Variants in SND1 observed in about 807,000 individuals in gnomAD.
The protein encoded by SND1 is staphylococcal nuclease and tudor domain containing 1.
SND1 carries 38 observed loss-of-function variants against 121.7 expected under a neutral mutation model. The observed-to-expected ratio is 0.31, with a 90% CI of 0.24 to 0.41. The LOEUF is 0.41. Ranked by LOEUF, SND1 falls within the 10% of genes least tolerant of loss-of-function variation. The probability of loss-of-function intolerance (pLI) is 1.00; values close to 1 mark genes in which losing one functional copy is unlikely to be tolerated. For missense variants in SND1, 868 were observed against 1,184.6 expected (o/e 0.73, Z 3.92); for synonymous variants, 401 against 447.4 (o/e 0.90, Z 1.31).
chr7:127,823,065 A>G (rs1394667081), intron 11 of SND1, among the ~76,000 whole-genome samples: 1 of 152,254 alleles, frequency 6.6e-6, no homozygotes. Context: ...AGAGAGCAGT[A>G]CACAATATGA....
chr7:127,663,870 T>A (rs1039142659), intron 1 of SND1, among the ~76,000 whole-genome samples: 1 of 152,200 alleles, frequency 6.6e-6, no homozygotes, highest in Non-Finnish European at 1.5e-5. Context: ...GGCAAAATCA[T>A]GTGAGAGAAG....
intron 16 of SND1, among the ~76,000 whole-genome samples, chr7:128,018,135 C>T (rs1803266876): frequency 6.6e-6 from 1 of 152,230 alleles, no homozygotes; most frequent in Non-Finnish European, 1.5e-5. Flanking sequence ...GCTCAGGGCA[C>T]CGCCTTATGG....
At chr7:128,088,625 G>A (rs1793725860) in intron 21 of SND1, among the ~76,000 whole-genome samples, 1 of 151,830 alleles carries the variant, frequency 6.6e-6, no homozygotes, top group Non-Finnish European at 1.5e-5. Context: ...GCTAATTTTT[G>A]TATTTTCAGT....
chr7:127,733,019 C>T (rs1186815575), intron 10 of SND1, among the ~76,000 whole-genome samples: 1 of 152,168 alleles, frequency 6.6e-6, no homozygotes, highest in Non-Finnish European at 1.5e-5. Context: ...AGGCTTTAGA[C>T]AGCTGTGGTT....
At chr7:127,848,063 T>C (rs1381794469) in intron 12 of SND1, among the ~76,000 whole-genome samples, 2 of 152,234 alleles carry the variant, frequency 1.3e-5, no homozygotes, top group Non-Finnish European at 2.9e-5. Context: ...TGTCCTGGCC[T>C]TCTTGTTTCC....
At chr7:127,736,471 A>G (rs1796778092) in intron 10 of SND1, among the ~76,000 whole-genome samples, 1 of 152,122 alleles carries the variant, frequency 6.6e-6, no homozygotes, top group Non-Finnish European at 1.5e-5. Flanking sequence ...CTATTTTTGG[A>G]TATATCAGTT....
intron 10 of SND1, among the ~76,000 whole-genome samples, chr7:127,798,438 C>A (rs1391658096): frequency 2.6e-5 from 4 of 152,332 alleles, no homozygotes; most frequent in Middle Eastern, 3.4e-3. Context: ...TCAGATCCCA[C>A]ACCCAGGCTT....
intron 1 of SND1, among the ~76,000 whole-genome samples, chr7:127,660,377 T>C (rs548147176): frequency 1.3e-5 from 2 of 152,320 alleles, no homozygotes; most frequent in Admixed American, 6.5e-5. Flanking sequence ...TGCCCTGCTC[T>C]TGACTGGGAG....
chr7:127,714,663 C>G (rs1796356009), intron 9 of SND1, among the ~76,000 whole-genome samples: 1 of 152,212 alleles, frequency 6.6e-6, no homozygotes, highest in Non-Finnish European at 1.5e-5. Flanking sequence ...TTCCCCTCTT[C>G]CAGGCCCTGG....
intron 10 of SND1, among the ~76,000 whole-genome samples, chr7:127,742,163 A>G (rs1057394157): frequency 8.5e-5 from 13 of 152,222 alleles, no homozygotes; most frequent in Non-Finnish European, 1.5e-4. Context: ...TGTTAGCATT[A>G]GTGTGAAAGT....
Position 128,029,250 on chromosome 7 carries a change from A to G in SND1, c.1779+38194A>G. 6.2e-7 allele frequency: 1 copy of G among 1,614,006 alleles called. No individual in the cohort carries two copies. Among genetic ancestry groups the G allele is most frequent in the Non-Finnish European group, 8.5e-7 (1 of 1,180,026 alleles). ...CTTTCGCGTTGTGTCCTCAGGCGAG[A>G]TCTCCGTGGTCTCCACTGTTACTGT... On this transcript the variant is annotated intron_variant, in intron 16 of 23. Coordinates refer to ENST00000354725, the MANE Select transcript of SND1 (RefSeq NM_014390.4). The surrounding 1 kb of genome is among the most constrained non-coding windows in gnomAD (Gnocchi z 4.2).
intron 16 of SND1, among the ~76,000 whole-genome samples, chr7:128,016,644 G>A (rs1046949493): frequency 2.0e-5 from 3 of 152,194 alleles, no homozygotes; most frequent in Admixed American, 1.3e-4. Flanking sequence ...TTACCAAAGC[G>A]TAGAGTACCT....
At chr7:127,672,907 C>T (rs1795548315) in intron 1 of SND1, among the ~76,000 whole-genome samples, 1 of 152,012 alleles carries the variant, frequency 6.6e-6, no homozygotes, top group African/African-American at 2.4e-5. Context: ...GCTAAGTTCT[C>T]CTCAGTGCAC....
At chr7:127,962,604 C>T (rs754045221) in intron 15 of SND1, among the ~76,000 whole-genome samples, 12 of 152,182 alleles carry the variant, frequency 7.9e-5, no homozygotes, top group Non-Finnish European at 1.5e-4. Context: ...TTCTGGCTAG[C>T]ATATAAATCT....
chr7:127,881,994 T>G (rs1799801331), intron 12 of SND1, among the ~76,000 whole-genome samples: 1 of 152,152 alleles, frequency 6.6e-6, no homozygotes, highest in South Asian at 2.1e-4. Context: ...GGCTCATGCC[T>G]GTAATCTCAG....
At chr7:127,704,763 T>C in intron 7 of SND1, 76 bp from the exon 8 acceptor site, 1 of 1,203,090 alleles carries the variant, frequency 8.3e-7, no homozygotes, top group South Asian at 1.3e-5. Context: ...GTTAATTGTG[T>C]CAGAAGTCTA....
chr7:128,070,386 T>G (rs1238633461), intron 16 of SND1, among the ~76,000 whole-genome samples: 3 of 152,220 alleles, frequency 2.0e-5, no homozygotes, highest in Non-Finnish European at 4.4e-5. Context: ...CACCCACATG[T>G]GCACGTCAGT....
chr7:127,686,817 T>C, intron 2 of SND1, 55 bp downstream of exon 2: 2 of 1,560,574 alleles, frequency 1.3e-6, no homozygotes, highest in Non-Finnish European at 1.8e-6. Flanking sequence ...TAGCCCACTG[T>C]CTTCTGTCGC....
chr7:127,895,574 CTG>C (rs1269627043), intron 13 of SND1, among the ~76,000 whole-genome samples: 4 of 152,056 alleles, frequency 2.6e-5, no homozygotes, highest in African/African-American at 4.8e-5. Flanking sequence ...CATTATGTGT[CTG>C]TGGAGGGTTT....
Sources: gnomAD v4.1 joint callset for allele counts (sites outside exome capture counted in the v4.1 genomes callset) on GRCh38, gnomAD v4.1.1 for gene constraint, Gnocchi (gnomAD v3.1) non-coding constraint, MANE v1.5 for transcripts, NCBI Gene and HGNC (gene_info 2026-07-23, HGNC 2026-07-21) for gene names.